The following PLEKHM3 variants were observed in gnomAD, a reference collection of about 807,000 sequenced individuals.
PLEKHM3 encodes pleckstrin homology domain containing M3, also known as pleckstrin homology domain-containing family M member 3.
Under a neutral mutation model 81.8 loss-of-function variants are expected in PLEKHM3, and 45 were observed. The observed-to-expected ratio is 0.55, with a 90% confidence interval of 0.43 to 0.71. The LOEUF (loss-of-function observed/expected upper bound fraction) is 0.71. Ranked by LOEUF, PLEKHM3 falls within the 30% of genes least tolerant of loss-of-function variation. The pLI is 0.00. For synonymous variants in PLEKHM3, 352 were observed against 356.4 expected, an observed-to-expected ratio of 0.99 and a Z score of 0.14; for missense variants, 788 against 924.3, an observed-to-expected ratio of 0.85 and a Z score of 1.91.
intron 2 of PLEKHM3, among the ~76,000 whole-genome samples, chr2:208,000,297 T>A (rs1451006278): frequency 6.6e-6 from 1 of 152,210 alleles, no homozygotes; most frequent in Admixed American, 6.5e-5. Context: ...GTTTACACCA[T>A]AATCCTGACG....
chr2:207,964,472 C>G (rs1690846884), intron 3 of PLEKHM3, among the ~76,000 whole-genome samples: 1 of 152,048 alleles, frequency 6.6e-6, no homozygotes, highest in Non-Finnish European at 1.5e-5. Flanking sequence ...AGTCATAGGC[C>G]CATGACAGGA....
At chr2:207,896,944 T>C (rs2105881281) in intron 6 of PLEKHM3, among the ~76,000 whole-genome samples, 1 of 152,332 alleles carries the variant, frequency 6.6e-6, no homozygotes, top group Middle Eastern at 3.4e-3. Flanking sequence ...AAGACGTCTG[T>C]GCATAGCCCA....
Position 207,977,510 on chromosome 2 carries a change from T to C in PLEKHM3, c.687A>G (p.Gln229=), listed in dbSNP as rs1273186243. 1.2e-6 allele frequency: 2 copies of C among 1,614,064 alleles called. No individual in the cohort carries two copies. Among genetic ancestry groups the C allele is most frequent in the South Asian group, 1.1e-5 (1 of 91,090 alleles). The change falls in exon 3 of 8, where the codon CAA becomes CAG. Residue 229 remains glutamine, a synonymous_variant. Transcript: ENST00000427836. ...EIRKDHDSYW[Q]SCYAELSPYN... ...AAGGTGAAAGTTCTGCATAACAGCT[T>C]TGCCAGTAACTGTCATGGTCCTTTC...
intron 3 of PLEKHM3, among the ~76,000 whole-genome samples, chr2:207,974,702 G>A (rs1270669075): frequency 6.6e-6 from 1 of 152,148 alleles, no homozygotes; most frequent in South Asian, 2.1e-4. Flanking sequence ...TGAAATGTCA[G>A]TAATTTCTAT....
intron 5 of PLEKHM3, among the ~76,000 whole-genome samples, chr2:207,914,811 T>C (rs1688930831): frequency 6.6e-6 from 1 of 152,202 alleles, no homozygotes; most frequent in Non-Finnish European, 1.5e-5. Flanking sequence ...AACAGGATCC[T>C]TGTTGCAGAA....
At position 208,024,150 on chromosome 2, in the gene PLEKHM3, A is replaced by AATAAAATAAG. The variant is rs1027698166; in HGVS notation, c.-319+1238_-319+1239insCTTATTTTAT. 2.8e-5 allele frequency among the ~76,000 whole-genome samples: 4 copies of AATAAAATAAG among 140,596 alleles called. 1 individual carries two copies. Among genetic ancestry groups the AATAAAATAAG allele is most frequent in the African/African-American group, 1.2e-4 (4 of 32,064 alleles). 92.2% of individuals were successfully genotyped at this position (140,596 alleles called of 152,430 possible). A position where few individuals can be genotyped will look rare whatever the true frequency, so the allele number is the denominator to read the frequency against. On this transcript the variant is annotated intron_variant, in intron 1 of 7. Coordinates refer to ENST00000427836, the MANE Select transcript of PLEKHM3 (RefSeq NM_001080475.3). ...AGAGTAAGACCCTGTCTCAAAATAA[A>AATAAAATAAG]ATAAAATAAAATAAAATAAAATAAA...
chr2:207,919,632 A>G (rs1689116444), intron 5 of PLEKHM3, among the ~76,000 whole-genome samples: 1 of 152,172 alleles, frequency 6.6e-6, no homozygotes, highest in Non-Finnish European at 1.5e-5. Flanking sequence ...ATGGACAGAG[A>G]TGCCATGAAG....
chr2:207,982,413 G>A (rs1691561753), intron 2 of PLEKHM3, among the ~76,000 whole-genome samples: 1 of 151,926 alleles, frequency 6.6e-6, no homozygotes, highest in Admixed American at 6.6e-5. Flanking sequence ...GGGACTACAG[G>A]TATGCACTAC....
At chr2:207,961,305 T>A (rs188871194) in intron 3 of PLEKHM3, among the ~76,000 whole-genome samples, 167 of 152,368 alleles carry the variant, frequency 1.1e-3, no homozygotes, top group African/African-American at 3.8e-3. Flanking sequence ...ACAAGTCTGC[T>A]GATTTAAAAG....
At chr2:207,880,936 T>C (rs1289064001) in intron 6 of PLEKHM3, among the ~76,000 whole-genome samples, 2 of 151,282 alleles carry the variant, frequency 1.3e-5, no homozygotes, top group Non-Finnish European at 2.9e-5. Context: ...TCCAGTGATA[T>C]GGAGAACTTG....
In PLEKHM3 at chr2:207,966,845, G is replaced by A. The variant is rs571945865; in HGVS notation, c.1546+9806C>T. ...TGGGATTACAGGCGTGAGCCACCCC[G>A]CACCCAGCCTAGGATGTGTATTCTT... is the stretch of plus-strand genomic sequence containing the variant. On this transcript the variant is annotated intron_variant, in intron 3 of 7. Transcript: ENST00000427836. Among the ~76,000 whole-genome samples, 23 of 152,190 alleles carry A rather than the reference G, an allele frequency of 1.5e-4. No homozygotes were observed. The South Asian group carries it at 3.7e-3, about 25-fold the overall frequency.
chr2:208,018,642 C>T (rs753155405), intron 1 of PLEKHM3, among the ~76,000 whole-genome samples: 8 of 152,134 alleles, frequency 5.3e-5, no homozygotes, highest in Non-Finnish European at 7.3e-5. Flanking sequence ...TCTCTGTCTC[C>T]GTTGCCTTCA....
chr2:207,839,889 T>C (rs2092340608), intron 7 of PLEKHM3, among the ~76,000 whole-genome samples: 2 of 152,170 alleles, frequency 1.3e-5, no homozygotes, highest in Middle Eastern at 3.2e-3. Context: ...ATGGTGCCAC[T>C]ACATTTCAGC....
intron 5 of PLEKHM3, among the ~76,000 whole-genome samples, chr2:207,920,548 G>C (rs141385518): frequency 6.7e-6 from 1 of 149,076 alleles, no homozygotes; most frequent in Non-Finnish European, 1.5e-5. Flanking sequence ...TCAGTCTGCT[G>C]ATGTTTTTAG....
intron 7 of PLEKHM3, among the ~76,000 whole-genome samples, chr2:207,850,053 C>T (rs2092404352): frequency 3.3e-5 from 5 of 152,170 alleles, no homozygotes; most frequent in Admixed American, 3.3e-4. Context: ...GAAGGGGAAG[C>T]AAGCATGTGG....
At chr2:207,838,867 T>C (rs1322747614) in intron 7 of PLEKHM3, among the ~76,000 whole-genome samples, 1 of 152,180 alleles carries the variant, frequency 6.6e-6, no homozygotes, top group Non-Finnish European at 1.5e-5. Context: ...TAGAGAACTA[T>C]AAACAAGATA....
intron 1 of PLEKHM3, among the ~76,000 whole-genome samples, chr2:208,016,802 G>A (rs923835052): frequency 2.6e-5 from 4 of 151,900 alleles, no homozygotes; most frequent in African/African-American, 4.8e-5. Flanking sequence ...TAGCCAATCC[G>A]GGTCTCAATT....
chr2:207,919,446 G>C (rs186953038), intron 5 of PLEKHM3, among the ~76,000 whole-genome samples: 1 of 152,190 alleles, frequency 6.6e-6, no homozygotes, highest in Non-Finnish European at 1.5e-5. Context: ...CAGACTGAAG[G>C]GGGATAAGGG....
At chr2:207,986,668 A>G (rs1218692938) in intron 2 of PLEKHM3, among the ~76,000 whole-genome samples, 1 of 118,106 alleles carries the variant, frequency 8.5e-6, no homozygotes, top group Admixed American at 1.0e-4. Flanking sequence ...ATCATTACAA[A>G]TTTTTTTGTT....
Sources: gnomAD v4.1 joint callset for allele counts (sites outside exome capture counted in the v4.1 genomes callset) on GRCh38, gnomAD v4.1.1 for gene constraint, MANE v1.5 for transcripts, NCBI Gene and HGNC (gene_info 2026-07-23, HGNC 2026-07-21) for gene names.